The following ERAP1 variants were observed in gnomAD, a reference collection of about 807,000 sequenced individuals.
ERAP1 encodes the protein endoplasmic reticulum aminopeptidase 1, also known as adipocyte-derived leucine aminopeptidase.
A neutral mutation model predicts 103.7 loss-of-function variants in ERAP1; 86 were observed. The observed-to-expected ratio is 0.83, with a 90% confidence interval of 0.70 to 0.99. ERAP1 has a LOEUF of 0.99. Among genes scored for constraint, ERAP1 ranks in the 50% least tolerant of loss-of-function variants. The pLI, the probability that ERAP1 is intolerant of heterozygous loss-of-function variation, is 0.00. For synonymous variants in ERAP1, 398 were observed against 402.4 expected (o/e 0.99, Z 0.13); for missense variants, 1,009 against 1,128.4 (o/e 0.89, Z 1.52).
the ERAP1 span, among the ~76,000 whole-genome samples, chr5:96,891,832 G>A: frequency 6.6e-6 from 1 of 151,970 alleles, no homozygotes; most frequent in African/African-American, 2.4e-5. Flanking sequence ...GCTCCTAAGA[G>A]GTGTTCTCCT....
At chr5:96,879,084 C>T in the ERAP1 span, among the ~76,000 whole-genome samples, 6,029 of 151,802 alleles carry the variant, frequency 0.04, 136 homozygotes, top group South Asian at 0.069. Flanking sequence ...CCGAGTGTGG[C>T]GGTGTGTGTC....
chr5:96,799,716 A>G (rs1010166922), intron 3 of ERAP1, among the ~76,000 whole-genome samples: 8 of 152,250 alleles, frequency 5.3e-5, no homozygotes, highest in Non-Finnish European at 8.8e-5. Flanking sequence ...GGAGAGGACT[A>G]TATTTTGAAA....
chr5:96,847,098 A>AG, the ERAP1 span, among the ~76,000 whole-genome samples: 1 of 150,132 alleles, frequency 6.7e-6, no homozygotes, highest in African/African-American at 2.4e-5. Context: ...AAAAAAAAAA[A>AG]ATAGCTGGAC....
Position 96,775,622 on chromosome 5 carries a change from G to T in ERAP1, c.*774C>A. The T allele has an allele frequency of 1.9e-6, 1 of 535,272 alleles. No homozygotes were observed. Among genetic ancestry groups the T allele is most frequent in the South Asian group, 8.2e-5 (1 of 12,176 alleles). 33.2% of individuals were successfully genotyped at this position (535,272 alleles called of 1,614,324 possible). A position where few individuals can be genotyped will look rare whatever the true frequency, so the allele number is the denominator to read the frequency against. Reference sequence around the variant, plus strand: ...TATGTAGAAACCACAAGTCCGCCAGGACTAGTAAAAGCCAGACTCCCACTG... The same window carrying T: ...TATGTAGAAACCACAAGTCCGCCAGTACTAGTAAAAGCCAGACTCCCACTG... On this transcript the variant is annotated 3_prime_UTR_variant, in exon 19 of 19. Transcript: ENST00000443439.
the ERAP1 span, chr5:96,895,166 T>A: frequency 1.3e-6 from 1 of 780,012 alleles, no homozygotes; most frequent in African/African-American, 2.2e-5. Flanking sequence ...AAAAAAAAGT[T>A]AGTAACTATT....
chr5:96,784,839 A>G (rs1775777052), intron 13 of ERAP1: 1 of 152,388 alleles, frequency 6.6e-6, no homozygotes, highest in African/African-American at 2.4e-5. Flanking sequence ...GGTTAGTGTT[A>G]AAAACCTCAG....
chr5:96,867,186 T>A, the ERAP1 span, among the ~76,000 whole-genome samples: 1 of 151,982 alleles, frequency 6.6e-6, no homozygotes, highest in Non-Finnish European at 1.5e-5. Context: ...TTTGTATTTT[T>A]AATAGAGACG....
At chr5:96,900,423 T>C in the ERAP1 span, among the ~76,000 whole-genome samples, 1 of 152,198 alleles carries the variant, frequency 6.6e-6, no homozygotes, top group East Asian at 1.9e-4. Context: ...ACCCCACTGC[T>C]AGCTAAAAAT....
the ERAP1 span, among the ~76,000 whole-genome samples, chr5:96,815,407 G>GTTTTTTGTTTT: frequency 1.2e-4 from 13 of 105,446 alleles, no homozygotes; most frequent in Non-Finnish European, 2.3e-4. Flanking sequence ...TGTTTGTTTT[G>GTTTTTTGTTTT]TTTTTTATTT....
the ERAP1 span, among the ~76,000 whole-genome samples, chr5:96,874,516 C>T: frequency 6.6e-6 from 1 of 152,334 alleles, no homozygotes; most frequent in East Asian, 1.9e-4. Flanking sequence ...TTGGGGCCTC[C>T]TCTTCTTTGT....
chr5:96,878,073 C>A, the ERAP1 span, among the ~76,000 whole-genome samples: 1 of 152,084 alleles, frequency 6.6e-6, no homozygotes, highest in African/African-American at 2.4e-5. Flanking sequence ...AGAATTGATT[C>A]CCCCAAATTA....
the ERAP1 span, among the ~76,000 whole-genome samples, chr5:96,908,448 A>G: frequency 6.6e-6 from 1 of 152,198 alleles, no homozygotes; most frequent in Non-Finnish European, 1.5e-5. Context: ...CCTATTCACA[A>G]TGATTACCGC....
At chr5:96,931,750 G>A in the ERAP1 span, among the ~76,000 whole-genome samples, 1 of 152,218 alleles carries the variant, frequency 6.6e-6, no homozygotes, top group African/African-American at 2.4e-5. Flanking sequence ...GGAAGAGTAA[G>A]TTCCTTCTTC....
At chr5:96,912,555 T>A in the ERAP1 span, 3 of 955,110 alleles carry the variant, frequency 3.1e-6, no homozygotes, top group Non-Finnish European at 4.7e-6. Context: ...GAGATTATTG[T>A]GTTATAGGAC....
the ERAP1 span, among the ~76,000 whole-genome samples, chr5:96,931,962 T>C: frequency 6.6e-6 from 1 of 152,250 alleles, no homozygotes; most frequent in Middle Eastern, 3.2e-3. Flanking sequence ...CTCAGAGTTT[T>C]GTCTTTTGTA....
the ERAP1 span, among the ~76,000 whole-genome samples, chr5:96,932,144 A>G: frequency 1.3e-5 from 2 of 152,172 alleles, no homozygotes; most frequent in African/African-American, 4.8e-5. Flanking sequence ...TTCAAACATT[A>G]CTAATTAATG....
In ERAP1 at chr5:96,793,935, A is replaced by G. The variant is rs2150964573; in HGVS notation, c.942T>C (p.Phe314=). The G allele has an allele frequency of 6.2e-7, 1 of 1,614,114 alleles. No individual in the cohort carries two copies. Among genetic ancestry groups the G allele is most frequent in the Admixed American group, 1.7e-5 (1 of 60,022 alleles). The change falls in exon 6 of 19, where the codon TTT becomes TTC. Residue 314 remains phenylalanine (F), a synonymous_variant. Transcript: ENST00000443439. Reference sequence around the variant, plus strand: ...CCCAGTTTTCCATAGCACCAGACTGAAAGTCGGGAATAGCAGCAAGATCTT... The same window carrying G: ...CCCAGTTTTCCATAGCACCAGACTGGAAGTCGGGAATAGCAGCAAGATCTT... ...PKQDLAAIPD[F]QSGAMENWGL...
At chr5:96,887,060 G>A in the ERAP1 span, among the ~76,000 whole-genome samples, 5 of 129,016 alleles carry the variant, frequency 3.9e-5, no homozygotes, top group East Asian at 1.1e-3. Context: ...TATATGTAAA[G>A]GTAATTTTCA....
the ERAP1 span, among the ~76,000 whole-genome samples, chr5:96,840,216 T>C: frequency 6.6e-6 from 1 of 152,206 alleles, no homozygotes; most frequent in African/African-American, 2.4e-5. Context: ...CTCAAAACTT[T>C]TAAAGATTTA....
Sources: allele counts gnomAD v4.1 joint callset (sites outside exome capture counted in the v4.1 genomes callset), GRCh38; gene constraint gnomAD v4.1.1; transcripts MANE v1.5; gene names NCBI Gene and HGNC (gene_info 2026-07-23, HGNC 2026-07-21).